Variants in KIAA1549L observed in about 807,000 individuals in gnomAD.
KIAA1549L encodes KIAA1549 like, also known as UPF0606 protein KIAA1549L.
Under a neutral mutation model 160.7 loss-of-function variants are expected in KIAA1549L, and 88 were observed. The observed-to-expected ratio is 0.55, with a 90% confidence interval of 0.46 to 0.65. The LOEUF (loss-of-function observed/expected upper bound fraction) is 0.65. KIAA1549L is among the 30% of genes least tolerant of loss of function. KIAA1549L has a pLI of 0.00. For missense variants in KIAA1549L, 2,258 were observed against 2,437.5 expected (o/e 0.93, Z 1.55); for synonymous variants, 950 against 976.7 (o/e 0.97, Z 0.51).
In KIAA1549L at chr11:33,568,224, G is replaced by T. The variant is rs902545539; in HGVS notation, c.4227G>T (p.Val1409=). The T allele has an allele frequency of 5.6e-6, 9 of 1,612,536 alleles. No homozygotes were observed. In the African/African-American group the frequency reaches 1.1e-4, roughly 19 times the overall value. ...CCACCACCCTGGGAAGCTACACTGT[G>T]CAGGTAGGTGTATACAGAGCCACTG... ...KRATTLGSYT[V]QMVKMQRVPG... Residue 1409 remains valine (V), a synonymous_variant, in exon 9 of 21, where the codon GTG becomes GTT. Transcript: ENST00000658780.
At chr11:33,597,043 A>G (rs78010690) in intron 12 of KIAA1549L, among the ~76,000 whole-genome samples, 5,588 of 152,268 alleles carry the variant, frequency 0.037, 345 homozygotes, top group African/African-American at 0.13. Context: ...CTCATTTTAT[A>G]TGATGTTAAA....
Position 33,552,088 on chromosome 11 carries a change from A to T in KIAA1549L, c.3722-20A>T. The T allele has an allele frequency of 1.2e-6, 2 of 1,613,412 alleles. No homozygotes were observed. The highest frequency in any genetic ancestry group is 1.7e-6 in the Non-Finnish European group (2 of 1,179,594). ...AGACATGGAGCTTTAGTGAGCACTGATTGACTTCTCTCATTCTAGTGCTGC... is the reference window on the plus strand; with the variant it reads ...AGACATGGAGCTTTAGTGAGCACTGTTTGACTTCTCTCATTCTAGTGCTGC... On this transcript the variant is annotated intron_variant, in intron 5 of 20. Coordinates refer to ENST00000658780, the MANE Select transcript of KIAA1549L (RefSeq NM_012194.3).
chr11:33,482,127 A>G (rs1182937098), intron 1 of KIAA1549L, among the ~76,000 whole-genome samples: 2 of 151,694 alleles, frequency 1.3e-5, no homozygotes, highest in African/African-American at 4.8e-5. Context: ...TTTTTCCTGG[A>G]TTTTTTTTCT....
At chr11:33,504,122 G>A (rs1165134566) in intron 1 of KIAA1549L, among the ~76,000 whole-genome samples, 4 of 152,096 alleles carry the variant, frequency 2.6e-5, no homozygotes, top group Non-Finnish European at 4.4e-5. Context: ...TTAGCCAGGC[G>A]TGGTGGCACA....
chr11:33,387,883 A>G (rs1850203787), intron 1 of KIAA1549L, among the ~76,000 whole-genome samples: 1 of 152,110 alleles, frequency 6.6e-6, no homozygotes, highest in African/African-American at 2.4e-5. Flanking sequence ...GCTTCTTCCT[A>G]CATTAGCAGC....
intron 1 of KIAA1549L, among the ~76,000 whole-genome samples, chr11:33,534,127 C>T (rs1030591735): frequency 2.6e-5 from 4 of 152,136 alleles, no homozygotes; most frequent in Non-Finnish European, 4.4e-5. Context: ...GAGTCTTGCT[C>T]TCTGGAGTGC....
intron 1 of KIAA1549L, among the ~76,000 whole-genome samples, chr11:33,406,675 C>T (rs1850660130): frequency 6.6e-6 from 1 of 152,162 alleles, no homozygotes; most frequent in Admixed American, 6.5e-5. Context: ...TTTCTTAAGG[C>T]CCCCTAGCCC....
Position 33,383,120 on chromosome 11 carries a change from A to G in KIAA1549L, c.238+6231A>G, listed in dbSNP as rs372036913. ...CCACCATGGAAACTTCAGGATCCTG[A>G]AATTCTGATGACGACCAGAGAATCT... On this transcript the variant is annotated intron_variant, in intron 1 of 20. Coordinates refer to ENST00000658780, the MANE Select transcript of KIAA1549L (RefSeq NM_012194.3). 1.8e-3 allele frequency among the ~76,000 whole-genome samples: 267 copies of G among 152,264 alleles called. 2 individuals are homozygous for G. The highest frequency in any genetic ancestry group is 6.2e-3 in the African/African-American group (256 of 41,562).
At chr11:33,427,252 TAGA>T (rs34115057) in intron 1 of KIAA1549L, among the ~76,000 whole-genome samples, 26,376 of 151,996 alleles carry the variant, frequency 0.17, 2,575 homozygotes, top group South Asian at 0.25. Flanking sequence ...AAAAAACAGG[TAGA>T]AGAGGATTTC....
intron 1 of KIAA1549L, among the ~76,000 whole-genome samples, chr11:33,466,492 A>G (rs1329760403): frequency 1.3e-5 from 2 of 152,202 alleles, no homozygotes; most frequent in African/African-American, 4.8e-5. Context: ...GGATGTGGAG[A>G]AACAGGAATG....
chr11:33,528,740 G>A (rs1853670613), intron 1 of KIAA1549L, among the ~76,000 whole-genome samples: 1 of 152,202 alleles, frequency 6.6e-6, no homozygotes, highest in Non-Finnish European at 1.5e-5. Flanking sequence ...TGAAAAACCA[G>A]TGTACGTTCT....
At chr11:33,575,728 G>A (rs911441644) in intron 10 of KIAA1549L, among the ~76,000 whole-genome samples, 3 of 152,202 alleles carry the variant, frequency 2.0e-5, no homozygotes, top group African/African-American at 7.2e-5. Flanking sequence ...GGCAGCATGA[G>A]CGAAAGAATG....
At position 33,545,550 on chromosome 11, in the gene KIAA1549L, T is replaced by C. The variant is rs369342146; in HGVS notation, c.3385+172T>C. ...GGTTGTTATGCTTGATGGCTGGAGA[T>C]ACTACTAAAATCTGGTGGGATAGAG... On this transcript the variant is annotated intron_variant, in intron 3 of 20. Coordinates refer to ENST00000658780, the MANE Select transcript of KIAA1549L (RefSeq NM_012194.3). Among the ~76,000 whole-genome samples the C allele has an allele frequency of 2.6e-5, 4 of 152,340 alleles. No individual in the cohort carries two copies. In the South Asian group the frequency reaches 8.3e-4, roughly 32 times the overall value.
In KIAA1549L at chr11:33,645,877, A is replaced by T. The variant is rs1238541225; in HGVS notation, c.5601A>T (p.Ala1867=). ...EAFSLASAGH[A]GQSRHQEAYG... ...TCAGCCTGGCATCCGCGGGCCACGC[A>T]GGCCAGAGCCGGCACCAAGAGGCCT... is the stretch of plus-strand genomic sequence containing the variant. The change falls in exon 17 of 21, where the codon GCA becomes GCT. Residue 1867 remains alanine (A), a synonymous_variant. Coordinates refer to ENST00000658780, the MANE Select transcript of KIAA1549L (RefSeq NM_012194.3). The T allele has an allele frequency of 1.9e-6, 3 of 1,613,850 alleles. No individual in the cohort carries two copies. Among genetic ancestry groups the T allele is most frequent in the Admixed American group, 3.3e-5 (2 of 60,012 alleles).
intron 1 of KIAA1549L, among the ~76,000 whole-genome samples, chr11:33,478,884 G>A (rs1373519764): frequency 1.3e-5 from 2 of 152,066 alleles, no homozygotes; most frequent in African/African-American, 2.4e-5. Context: ...ACCTGCCTTG[G>A]CCTCCCAAAG....
At chr11:33,470,730 G>A (rs1035252283) in intron 1 of KIAA1549L, among the ~76,000 whole-genome samples, 2 of 152,168 alleles carry the variant, frequency 1.3e-5, no homozygotes, top group African/African-American at 4.8e-5. Context: ...TGGGATTATA[G>A]GAATGAGCCA....
chr11:33,425,948 G>C (rs77783778), intron 1 of KIAA1549L, among the ~76,000 whole-genome samples: 8,432 of 152,190 alleles, frequency 0.055, 354 homozygotes, highest in East Asian at 0.22. Context: ...CAAAATACCT[G>C]ACTAGTCAGT....
chr11:33,574,957 A>G, intron 10 of KIAA1549L, 84 bp downstream of exon 10: 1 of 1,182,540 alleles, frequency 8.5e-7, no homozygotes, highest in South Asian at 1.4e-5. Flanking sequence ...AAATCATGTT[A>G]ATGGTCTCAG....
intron 20 of KIAA1549L, among the ~76,000 whole-genome samples, chr11:33,661,440 C>T (rs1213406782): frequency 6.6e-6 from 1 of 152,228 alleles, no homozygotes; most frequent in Non-Finnish European, 1.5e-5. Context: ...TGCCACTTAT[C>T]TAAGGCCACA....
Sources: allele counts gnomAD v4.1 joint callset (sites outside exome capture counted in the v4.1 genomes callset), GRCh38; gene constraint gnomAD v4.1.1; transcripts MANE v1.5; gene names NCBI Gene and HGNC (gene_info 2026-07-23, HGNC 2026-07-21).